The following RANBP2 variants were observed in gnomAD, a reference collection of about 807,000 sequenced individuals.
The protein encoded by RANBP2 is RAN binding protein 2.
Under a neutral mutation model 303.6 loss-of-function variants are expected in RANBP2, and 57 were observed. The ratio of observed to expected loss-of-function variants is 0.19; its 90% CI spans 0.15 to 0.23. RANBP2 has a LOEUF of 0.23. Among genes scored for constraint, RANBP2 ranks in the 10% least tolerant of loss-of-function variants. The pLI, the probability that RANBP2 is intolerant of heterozygous loss-of-function variation, is 1.00. For synonymous variants in RANBP2, 1,167 were observed against 1,301.5 expected, an observed-to-expected ratio of 0.90 and a Z score of 2.23; for missense variants, 3,138 against 3,780.8, an observed-to-expected ratio of 0.83 and a Z score of 4.46.
the RANBP2 span, among the ~76,000 whole-genome samples, chr2:108,925,297 A>C: frequency 6.6e-6 from 1 of 152,238 alleles, no homozygotes; most frequent in African/African-American, 2.4e-5. Flanking sequence ...TTTGATGCTG[A>C]GGTGGACAGA....
the RANBP2 span, among the ~76,000 whole-genome samples, chr2:109,237,890 C>G: frequency 6.6e-6 from 1 of 152,106 alleles, no homozygotes; most frequent in South Asian, 2.1e-4. Context: ...GTGGAGATTG[C>G]TAAATAAGCT....
the RANBP2 span, chr2:109,449,332 C>T: frequency 8.1e-6 from 13 of 1,604,756 alleles, no homozygotes; most frequent in South Asian, 7.8e-5. Flanking sequence ...TGCCCACGGC[C>T]GGCCATCCCC....
chr2:109,682,566 C>T, the RANBP2 span, among the ~76,000 whole-genome samples: 2 of 152,088 alleles, frequency 1.3e-5, no homozygotes, highest in African/African-American at 4.8e-5. Context: ...TTTTTCCCTA[C>T]CTACATGAAG....
the RANBP2 span, among the ~76,000 whole-genome samples, chr2:109,304,459 T>C: frequency 6.6e-6 from 1 of 152,182 alleles, no homozygotes; most frequent in East Asian, 1.9e-4. Flanking sequence ...CGTTGTCTGC[T>C]AGGGGTTCCT....
the RANBP2 span, among the ~76,000 whole-genome samples, chr2:109,583,650 G>A: frequency 3.3e-5 from 5 of 152,192 alleles, no homozygotes; most frequent in South Asian, 1.0e-3. Context: ...ATATCCAAAA[G>A]AAAATACCTC....
the RANBP2 span, among the ~76,000 whole-genome samples, chr2:109,514,180 C>G: frequency 6.6e-6 from 1 of 152,328 alleles, no homozygotes; most frequent in South Asian, 2.1e-4. Context: ...GCTAGCCGGG[C>G]CAGATTCTGA....
At chr2:109,303,224 G>A in the RANBP2 span, among the ~76,000 whole-genome samples, 21 of 152,298 alleles carry the variant, frequency 1.4e-4, no homozygotes, top group Non-Finnish European at 2.9e-4. Flanking sequence ...CTTTGGGAGA[G>A]ATTCACTTGG....
the RANBP2 span, among the ~76,000 whole-genome samples, chr2:109,136,888 A>T: frequency 8.9e-4 from 135 of 152,202 alleles, no homozygotes; most frequent in African/African-American, 3.1e-3. Flanking sequence ...TGAGAGCAAG[A>T]CCTCACCAGA....
At chr2:109,208,587 C>T in the RANBP2 span, among the ~76,000 whole-genome samples, 1,749 of 152,340 alleles carry the variant, frequency 0.011, 28 homozygotes, top group African/African-American at 0.04. Flanking sequence ...TCCCACCAAG[C>T]TCTGTTCAAG....
the RANBP2 span, among the ~76,000 whole-genome samples, chr2:109,116,681 C>T: frequency 8.5e-5 from 13 of 152,234 alleles, no homozygotes; most frequent in African/African-American, 1.4e-4. Context: ...TGAGGAACTG[C>T]GTTCCTTTGG....
At chr2:109,526,864 C>T in the RANBP2 span, among the ~76,000 whole-genome samples, 1 of 152,116 alleles carries the variant, frequency 6.6e-6, no homozygotes, top group African/African-American at 2.4e-5. Context: ...TCTCTGATGG[C>T]CTACAAATGT....
At chr2:109,014,189 C>T in the RANBP2 span, among the ~76,000 whole-genome samples, 9 of 152,158 alleles carry the variant, frequency 5.9e-5, no homozygotes. Context: ...TGTGAAGAGA[C>T]AGGCTTTCTT....
At chr2:109,593,409 CTTT>C in the RANBP2 span, among the ~76,000 whole-genome samples, 1 of 133,798 alleles carries the variant, frequency 7.5e-6, no homozygotes. Flanking sequence ...AGAGAAAGAA[CTTT>C]TTTTTTTTTT....
the RANBP2 span, among the ~76,000 whole-genome samples, chr2:109,370,295 A>G: frequency 6.6e-6 from 1 of 151,054 alleles, no homozygotes; most frequent in South Asian, 2.1e-4. Context: ...GCTGGAGTGC[A>G]GAGGTACGAT....
the RANBP2 span, among the ~76,000 whole-genome samples, chr2:109,051,328 C>G: frequency 1.8e-3 from 274 of 152,200 alleles, 1 homozygote; most frequent in African/African-American, 6.1e-3. Flanking sequence ...GCTTTTTTGT[C>G]TGTGTTTCAC....
the RANBP2 span, among the ~76,000 whole-genome samples, chr2:109,607,621 C>A: frequency 6.6e-6 from 1 of 152,046 alleles, no homozygotes; most frequent in African/African-American, 2.4e-5. Context: ...AAAATTAAAT[C>A]TGTTATTAAT....
At chr2:109,209,070 G>C in the RANBP2 span, among the ~76,000 whole-genome samples, 1 of 152,194 alleles carries the variant, frequency 6.6e-6, no homozygotes, top group Non-Finnish European at 1.5e-5. Context: ...ACTTTCCGTG[G>C]CAGCCAGTAC....
chr2:108,820,128 C>T, the RANBP2 span, among the ~76,000 whole-genome samples: 1 of 152,150 alleles, frequency 6.6e-6, no homozygotes, highest in Non-Finnish European at 1.5e-5. Context: ...GAGTCAGAGG[C>T]TGGGCACAGT....
the RANBP2 span, among the ~76,000 whole-genome samples, chr2:109,219,708 A>G: frequency 2.0e-5 from 3 of 152,226 alleles, no homozygotes; most frequent in Admixed American, 6.5e-5. Flanking sequence ...CAAAAAGAAT[A>G]AAATACTTGG....
Sources: allele counts gnomAD v4.1 joint callset (sites outside exome capture counted in the v4.1 genomes callset), GRCh38; gene constraint gnomAD v4.1.1; transcripts MANE v1.5; gene names NCBI Gene and HGNC (gene_info 2026-07-23, HGNC 2026-07-21).